RANBP2: variants seen among roughly 807,000 people sequenced by gnomAD.
RANBP2 encodes the protein RAN binding protein 2.
RANBP2 carries 57 observed loss-of-function variants against 303.6 expected under a neutral mutation model. The observed-to-expected ratio is 0.19, with a 90% CI of 0.15 to 0.23. RANBP2 has a LOEUF of 0.23. RANBP2 is among the 10% of genes least tolerant of loss of function. The pLI is 1.00. For missense variants in RANBP2, 3,138 were observed against 3,780.8 expected (o/e 0.83, Z 4.46); for synonymous variants, 1,167 against 1,301.5 (o/e 0.90, Z 2.23).
chr2:109,067,567 GA>G, the RANBP2 span, among the ~76,000 whole-genome samples: 1 of 152,182 alleles, frequency 6.6e-6, no homozygotes, highest in Non-Finnish European at 1.5e-5. Context: ...TGTAAGTGGG[GA>G]TGTGACTGTG....
At chr2:109,670,451 G>A in the RANBP2 span, among the ~76,000 whole-genome samples, 1 of 152,000 alleles carries the variant, frequency 6.6e-6, no homozygotes, top group East Asian at 1.9e-4. Flanking sequence ...CGATAACTTG[G>A]GCACAACTGC....
chr2:109,050,192 A>C, the RANBP2 span, among the ~76,000 whole-genome samples: 1 of 152,232 alleles, frequency 6.6e-6, no homozygotes, highest in Non-Finnish European at 1.5e-5. Context: ...ATGTTGGAAT[A>C]ATGTCACTTT....
chr2:109,497,720 T>C, the RANBP2 span, among the ~76,000 whole-genome samples: 1 of 152,224 alleles, frequency 6.6e-6, no homozygotes, highest in South Asian at 2.1e-4. Context: ...TAAACACTTG[T>C]CTCGTATAAA....
the RANBP2 span, among the ~76,000 whole-genome samples, chr2:109,050,137 A>T: frequency 7.9e-6 from 1 of 126,232 alleles, no homozygotes; most frequent in Non-Finnish European, 1.9e-5. Flanking sequence ...AAGATTAAGT[A>T]TGAAAAAACT....
chr2:109,187,450 C>A, the RANBP2 span, among the ~76,000 whole-genome samples: 2 of 151,960 alleles, frequency 1.3e-5, no homozygotes, highest in African/African-American at 4.8e-5. Flanking sequence ...TGCATGAAGA[C>A]GTTGCTGTTG....
At chr2:109,513,198 A>G in the RANBP2 span, among the ~76,000 whole-genome samples, 1 of 152,118 alleles carries the variant, frequency 6.6e-6, no homozygotes, top group Non-Finnish European at 1.5e-5. Flanking sequence ...CCTGCACAGT[A>G]GACCTGTCTC....
chr2:109,558,268 C>A, the RANBP2 span, among the ~76,000 whole-genome samples: 1 of 152,238 alleles, frequency 6.6e-6, no homozygotes, highest in South Asian at 2.1e-4. Context: ...GCCTAGTGAA[C>A]TTTTTCCAAG....
chr2:109,230,070 C>T, the RANBP2 span, among the ~76,000 whole-genome samples: 78 of 151,996 alleles, frequency 5.1e-4, no homozygotes, highest in Middle Eastern at 3.4e-3. Context: ...GTGATCCGCC[C>T]GCCTCAGCCT....
At chr2:109,261,835 T>C in the RANBP2 span, among the ~76,000 whole-genome samples, 1 of 152,196 alleles carries the variant, frequency 6.6e-6, no homozygotes, top group Non-Finnish European at 1.5e-5. Context: ...TCACTTATAG[T>C]AGGGAAACTG....
chr2:109,587,219 T>C, the RANBP2 span, among the ~76,000 whole-genome samples: 1 of 152,178 alleles, frequency 6.6e-6, no homozygotes, highest in Non-Finnish European at 1.5e-5. Context: ...ACAGAATTTC[T>C]AGAATGTAAA....
At chr2:109,305,826 C>G in the RANBP2 span, among the ~76,000 whole-genome samples, 1 of 152,216 alleles carries the variant, frequency 6.6e-6, no homozygotes, top group African/African-American at 2.4e-5. Flanking sequence ...CTCGGCATCT[C>G]TCACTGAGAA....
At chr2:109,532,709 G>A in the RANBP2 span, among the ~76,000 whole-genome samples, 1 of 152,106 alleles carries the variant, frequency 6.6e-6, no homozygotes, top group Non-Finnish European at 1.5e-5. Context: ...TAGCACAAAG[G>A]AGCTCTTACC....
At chr2:109,604,777 T>C in the RANBP2 span, 3 of 152,124 alleles carry the variant, frequency 2.0e-5, no homozygotes, top group Non-Finnish European at 2.9e-5. Flanking sequence ...GGTACAAATA[T>C]AACTGGTATG....
chr2:109,245,351 A>C, the RANBP2 span, among the ~76,000 whole-genome samples: 1 of 151,364 alleles, frequency 6.6e-6, no homozygotes, highest in Admixed American at 6.6e-5. Context: ...GACAGTGTCA[A>C]CCTCTGCTGT....
chr2:109,660,627 G>C, the RANBP2 span, among the ~76,000 whole-genome samples: 2 of 152,256 alleles, frequency 1.3e-5, no homozygotes, highest in Non-Finnish European at 2.9e-5. Context: ...GGGACTGCTG[G>C]ATGAGTAGCC....
the RANBP2 span, among the ~76,000 whole-genome samples, chr2:108,967,281 T>A: frequency 2.0e-5 from 3 of 152,198 alleles, no homozygotes; most frequent in Non-Finnish European, 4.4e-5. Context: ...AGTTGCAGGT[T>A]CATATTTCAC....
the RANBP2 span, among the ~76,000 whole-genome samples, chr2:109,081,823 A>C: frequency 6.6e-6 from 1 of 152,184 alleles, no homozygotes; most frequent in African/African-American, 2.4e-5. Flanking sequence ...GCTTGCAGAA[A>C]CACATCCTTG....
the RANBP2 span, among the ~76,000 whole-genome samples, chr2:108,925,662 T>G: frequency 3.9e-5 from 6 of 152,118 alleles, no homozygotes; most frequent in African/African-American, 1.4e-4. Context: ...CTGTTGCCCA[T>G]GCTGGAGTAC....
chr2:108,787,150 G>A (rs1373336051), downstream of RANBP2, among the ~76,000 whole-genome samples: 1 of 152,238 alleles, frequency 6.6e-6, no homozygotes, highest in Non-Finnish European at 1.5e-5. Flanking sequence ...ACTGGGCATG[G>A]TGTGGTGTTG....
Sources: gnomAD v4.1 joint callset for allele counts (sites outside exome capture counted in the v4.1 genomes callset) on GRCh38, gnomAD v4.1.1 for gene constraint, MANE v1.5 for transcripts, NCBI Gene and HGNC (gene_info 2026-07-23, HGNC 2026-07-21) for gene names.